SRGAP1: variants seen among roughly 807,000 people sequenced by gnomAD.
SRGAP1 encodes the protein SLIT-ROBO Rho GTPase activating protein 1.
Under a neutral mutation model 121.9 loss-of-function variants are expected in SRGAP1, and 43 were observed. That is an observed-to-expected ratio of 0.35 (90% CI 0.28 to 0.46). SRGAP1 has a LOEUF of 0.46. Ranked by LOEUF, SRGAP1 falls within the 20% of genes least tolerant of loss-of-function variation. The probability of loss-of-function intolerance (pLI) is 1.00; values close to 1 mark genes in which losing one functional copy is unlikely to be tolerated. For missense variants in SRGAP1, 1,102 were observed against 1,350.9 expected (o/e 0.82, Z 2.89); for synonymous variants, 447 against 485.4 (o/e 0.92, Z 1.04).
chr12:64,141,256 A>G (rs1179527915), intron 21 of SRGAP1, among the ~76,000 whole-genome samples: 2 of 139,490 alleles, frequency 1.4e-5, no homozygotes, highest in Non-Finnish European at 3.0e-5. Context: ...CATGTACCCT[A>G]AAACTTAAAG....
intron 1 of SRGAP1, among the ~76,000 whole-genome samples, chr12:63,882,678 ATATAAG>A (rs372372810): frequency 1.2e-3 from 182 of 152,362 alleles, no homozygotes; most frequent in African/African-American, 4.2e-3. Context: ...ATCATATTGA[ATATAAG>A]TATGTCTTTT....
intron 1 of SRGAP1, among the ~76,000 whole-genome samples, chr12:63,927,914 C>T (rs1207178581): frequency 2.6e-5 from 4 of 152,120 alleles, no homozygotes; most frequent in Admixed American, 6.5e-5. Flanking sequence ...TCAGAGCCAA[C>T]GTGCATTCAA....
At position 64,155,050 on chromosome 12, in the gene SRGAP1, TTTTC is replaced by T. The variant is rs2037153320; in HGVS notation, c.*12382_*12385del. On this transcript the variant is annotated 3_prime_UTR_variant, in exon 22 of 22. Coordinates refer to ENST00000355086, the MANE Select transcript of SRGAP1 (RefSeq NM_020762.4). ...AATATATATATTTTTTTCTTTTTCTTTTTCTTTTTTTTGAGACAGAGTCTCACTC... is the reference window on the plus strand; with the variant it reads ...AATATATATATTTTTTTCTTTTTCTTTTTTTTTTGAGACAGAGTCTCACTC... The T allele has an allele frequency of 6.6e-6, 1 of 152,050 alleles. No individual in the cohort carries two copies. 9.4% of individuals were successfully genotyped at this position (152,050 alleles called of 1,614,324 possible).
rs1377035180 is a variant in SRGAP1, at chr12:64,160,334, A to G, written c.*17662A>G. 6.6e-6 allele frequency: 1 copy of G among 152,232 alleles called. No homozygotes were observed. The highest frequency in any genetic ancestry group is 1.5e-5 in the Non-Finnish European group (1 of 68,038). The allele number at this position is 152,232 out of a possible 1,614,324, so 9.4% of individuals were successfully genotyped here. ...GTGTATTTTGAGACATTCCATGTCTAGAAAGTGTCTTTATCTCACATGTAA... is the reference window on the plus strand; with the variant it reads ...GTGTATTTTGAGACATTCCATGTCTGGAAAGTGTCTTTATCTCACATGTAA... On this transcript the variant is annotated 3_prime_UTR_variant, in exon 22 of 22. Transcript: ENST00000355086.
At chr12:64,137,959 AAAAT>A (rs908591053) in intron 21 of SRGAP1, among the ~76,000 whole-genome samples, 1 of 133,650 alleles carries the variant, frequency 7.5e-6, no homozygotes, top group African/African-American at 2.9e-5. Context: ...GCTTAAAAAA[AAAAT>A]ATATATATAT....
intron 1 of SRGAP1, among the ~76,000 whole-genome samples, chr12:63,977,198 G>T (rs1356078190): frequency 6.6e-6 from 1 of 152,130 alleles, no homozygotes; most frequent in Non-Finnish European, 1.5e-5. Flanking sequence ...AATAGAGCCC[G>T]TTGGCATCTC....
At chr12:63,980,848 C>T (rs937669219) in intron 1 of SRGAP1, among the ~76,000 whole-genome samples, 1 of 152,168 alleles carries the variant, frequency 6.6e-6, no homozygotes, top group Non-Finnish European at 1.5e-5. Context: ...CCCACCTCAG[C>T]CTCCCAAAAT....
rs1056747782 is a variant in SRGAP1, at chr12:63,992,050, A to C, written c.426+1978A>C. On this transcript the variant is annotated intron_variant, in intron 3 of 21. Transcript: ENST00000355086. The stretch of plus-strand genomic sequence containing the variant: ...TAGGAGAAGGAGGCATTCATCTAAC[A>C]GAAGGACAATGAGCTATTCCAGGAA... Among the ~76,000 whole-genome samples, 10 of 152,220 alleles carry C rather than the reference A, an allele frequency of 6.6e-5. No homozygotes were observed. In the East Asian group the frequency reaches 1.7e-3, roughly 26 times the overall value.
intron 4 of SRGAP1, among the ~76,000 whole-genome samples, chr12:64,029,672 G>C (rs1240291434): frequency 1.3e-5 from 2 of 152,146 alleles, no homozygotes. Context: ...CTCTAATATT[G>C]CAAGATTGTT....
chr12:64,026,780 C>A (rs1277918262), intron 4 of SRGAP1, among the ~76,000 whole-genome samples: 1 of 151,688 alleles, frequency 6.6e-6, no homozygotes, highest in Non-Finnish European at 1.5e-5. Flanking sequence ...TCGGGAGAAT[C>A]GCTTGAACCC....
At position 63,897,999 on chromosome 12, in the gene SRGAP1, C is replaced by T. The variant is rs1900809390; in HGVS notation, c.67+53116C>T. Among the ~76,000 whole-genome samples, 2 of 152,174 alleles carry T rather than the reference C, an allele frequency of 1.3e-5. 1 individual carries two copies. The highest frequency in any genetic ancestry group is 1.3e-4 in the Admixed American group (2 of 15,272). On this transcript the variant is annotated intron_variant, in intron 1 of 21. Coordinates refer to ENST00000355086, the MANE Select transcript of SRGAP1 (RefSeq NM_020762.4). ...TTGGGTACATGGAGTGGAGGTGTCT[C>T]ACACCCTTGGCACAGCTGCTTCACT...
intron 8 of SRGAP1, among the ~76,000 whole-genome samples, chr12:64,078,028 A>G (rs933711868): frequency 6.6e-6 from 1 of 152,220 alleles, no homozygotes. Context: ...AGGGAAATGC[A>G]TATTCAAACC....
At chr12:64,083,528 A>G (rs2035885561) in intron 10 of SRGAP1, among the ~76,000 whole-genome samples, 1 of 152,166 alleles carries the variant, frequency 6.6e-6, no homozygotes, top group Non-Finnish European at 1.5e-5. Flanking sequence ...AAATCTTTGA[A>G]AACTACTGAA....
chr12:64,105,666 C>T (rs941966469), intron 15 of SRGAP1, among the ~76,000 whole-genome samples: 2 of 152,114 alleles, frequency 1.3e-5, no homozygotes, highest in Non-Finnish European at 1.5e-5. Flanking sequence ...TGCTCCTAAT[C>T]CCAGCTACCT....
intron 1 of SRGAP1, among the ~76,000 whole-genome samples, chr12:63,884,719 C>CTTTTT (rs869188491): frequency 8.1e-5 from 10 of 123,858 alleles, no homozygotes; most frequent in Non-Finnish European, 1.0e-4. Flanking sequence ...CACCACCATT[C>CTTTTT]TTTTTTTTTT....
chr12:64,135,530 A>G (rs2036844448), intron 21 of SRGAP1, among the ~76,000 whole-genome samples: 1 of 152,148 alleles, frequency 6.6e-6, no homozygotes, highest in African/African-American at 2.4e-5. Context: ...GGTTCTCTAC[A>G]TAATACTCCA....
chr12:63,919,482 GTT>G (rs566856058), intron 1 of SRGAP1, among the ~76,000 whole-genome samples: 1 of 135,658 alleles, frequency 7.4e-6, no homozygotes, highest in Non-Finnish European at 1.6e-5. Flanking sequence ...TATTTTAATT[GTT>G]TTAACTTAAC....
intron 1 of SRGAP1, among the ~76,000 whole-genome samples, chr12:63,873,756 C>T (rs921929194): frequency 6.6e-6 from 1 of 151,780 alleles, no homozygotes; most frequent in African/African-American, 2.4e-5. Flanking sequence ...GCAACCTCAG[C>T]GTCCAGGGTT....
intron 1 of SRGAP1, among the ~76,000 whole-genome samples, chr12:63,896,255 T>G (rs1391542819): frequency 6.6e-6 from 1 of 152,228 alleles, no homozygotes; most frequent in Non-Finnish European, 1.5e-5. Context: ...TTGTTAATAA[T>G]AATACGATGG....
Sources: gnomAD v4.1 joint callset for allele counts (sites outside exome capture counted in the v4.1 genomes callset) on GRCh38, gnomAD v4.1.1 for gene constraint, MANE v1.5 for transcripts, NCBI Gene and HGNC (gene_info 2026-07-23, HGNC 2026-07-21) for gene names.